The following SFI1 variants were observed in gnomAD, a reference collection of about 807,000 sequenced individuals.
SFI1 encodes the protein SFI1 centrin binding protein, also known as protein SFI1 homolog.
In SFI1, 195 loss-of-function variants were observed where a neutral mutation model predicts 207.5. The ratio of observed to expected loss-of-function variants is 0.94; its 90% confidence interval spans 0.84 to 1.06. The LOEUF (loss-of-function observed/expected upper bound fraction) is 1.06, where lower values mean the gene tolerates loss of function less well. Among genes scored for constraint, SFI1 ranks in the 50% least tolerant of loss-of-function variants. The probability of loss-of-function intolerance (pLI) is 0.00; values close to 1 mark genes in which losing one functional copy is unlikely to be tolerated. For synonymous variants in SFI1, 630 were observed against 598.9 expected (o/e 1.05, Z -0.76); for missense variants, 1,634 against 1,588.0 (o/e 1.03, Z -0.49).
chr22:31,548,520 G>A (rs1217901921), intron 5 of SFI1, among the ~76,000 whole-genome samples: 4 of 151,942 alleles, frequency 2.6e-5, no homozygotes, highest in African/African-American at 7.2e-5. Context: ...GCATGCGCCT[G>A]TAGTACCAGC....
chr22:31,584,722 G>C (rs995757053), intron 13 of SFI1, among the ~76,000 whole-genome samples: 1 of 152,120 alleles, frequency 6.6e-6, no homozygotes, highest in African/African-American at 2.4e-5. Context: ...CCTAGTGTGA[G>C]AGGCAACATG....
chr22:31,580,500 C>T lies in SFI1; in HGVS notation c.1248+136C>T, dbSNP rs973229754. ...CTTCAAGATTTGTCCAGACTGTCAA[C>T]TGTAAAACCTTAGTTTGCATTTTCT... On this transcript the variant is annotated intron_variant, in intron 12 of 32. Coordinates refer to ENST00000400288, the MANE Select transcript of SFI1 (RefSeq NM_001007467.3). 103 of 554,658 alleles carry T rather than the reference C, an allele frequency of 1.9e-4. 1 individual carries two copies. Among genetic ancestry groups the T allele is most frequent in the Admixed American group, 1.8e-3 (50 of 28,410 alleles). The allele number at this position is 554,658 out of a possible 1,614,324, so 34.4% of individuals were successfully genotyped here. A position where few individuals can be genotyped will look rare whatever the true frequency, so the allele number is the denominator to read the frequency against.
intron 2 of SFI1, among the ~76,000 whole-genome samples, chr22:31,509,742 G>C (rs1434774732): frequency 6.6e-6 from 1 of 152,114 alleles, no homozygotes. Flanking sequence ...TGTTGGATTT[G>C]GTTTGCTACT....
chr22:31,594,740 A>G (rs2066819959), intron 15 of SFI1, among the ~76,000 whole-genome samples: 1 of 149,686 alleles, frequency 6.7e-6, no homozygotes, highest in Admixed American at 6.7e-5. Flanking sequence ...CTGTAGTCCC[A>G]GCTACTCAGG....
intron 8 of SFI1, among the ~76,000 whole-genome samples, chr22:31,568,193 GT>G (rs58540882): frequency 0.21 from 15,252 of 72,516 alleles, 1,066 homozygotes; most frequent in East Asian, 0.54. Context: ...GTGTGTGTGT[GT>G]TGTGTGTGTG....
chr22:31,608,296 A>G (rs920350931), intron 22 of SFI1, among the ~76,000 whole-genome samples: 10 of 152,094 alleles, frequency 6.6e-5, no homozygotes, highest in African/African-American at 1.9e-4. Flanking sequence ...TGCCTCTCCC[A>G]GCTTGTTTCT....
At chr22:31,545,065 A>G (rs994679478) in intron 4 of SFI1, among the ~76,000 whole-genome samples, 2 of 152,060 alleles carry the variant, frequency 1.3e-5, no homozygotes, top group African/African-American at 4.8e-5. Flanking sequence ...ATACTTGGCT[A>G]ACTAAAAAAA....
In SFI1 at chr22:31,557,011, T is replaced by G. The variant is rs149464385; in HGVS notation, c.614T>G (p.Leu205Arg). ...TACGTGGTTGTTCGTAGGACCAAAC[T>G]TCAGATGCAGACTACAGCTCTGGAG... ...LIYVVVRRTK[L>R]QMQTTALEFR... is the part of the protein sequence containing the mutation. Residue 205 changes from leucine (L) to arginine (R), a missense_variant, in exon 7 of 33, where the codon CTT (leucine) becomes CGT (arginine). Physicochemically the swap from Leu to Arg is moderately radical, Grantham distance 102 (BLOSUM62 -2). Transcript: ENST00000400288. The G allele has an allele frequency of 6.2e-7, 1 of 1,612,352 alleles. No individual in the cohort carries two copies. Among genetic ancestry groups the G allele is most frequent in the Non-Finnish European group, 8.5e-7 (1 of 1,178,956 alleles).
chr22:31,534,082 A>G (rs1257396204), intron 4 of SFI1, among the ~76,000 whole-genome samples: 1 of 152,150 alleles, frequency 6.6e-6, no homozygotes, highest in Non-Finnish European at 1.5e-5. Context: ...CTCTTTGTGT[A>G]TATTTTTAAA....
At chr22:31,514,708 G>A (rs2146866952) in intron 2 of SFI1, among the ~76,000 whole-genome samples, 1 of 151,362 alleles carries the variant, frequency 6.6e-6, no homozygotes, top group African/African-American at 2.4e-5. Context: ...TGTGTTTGGA[G>A]TATTTCACTT....
intron 2 of SFI1, chr22:31,521,124 C>G (rs1274722568): frequency 6.5e-6 from 1 of 153,416 alleles, no homozygotes; most frequent in Non-Finnish European, 1.5e-5. Flanking sequence ...TGCCTGTATT[C>G]CCCTGGAATC....
At chr22:31,553,529 A>ATTTTTT (rs71202096) in intron 6 of SFI1, among the ~76,000 whole-genome samples, 29 of 82,622 alleles carry the variant, frequency 3.5e-4, no homozygotes, top group Admixed American at 4.4e-4. Context: ...TAATTTTTGT[A>ATTTTTT]TTTTTTTTTT....
intron 7 of SFI1, 76 bp from the exon 8 acceptor site, chr22:31,561,214 C>T (rs1469146400): frequency 2.4e-6 from 3 of 1,236,898 alleles, no homozygotes; most frequent in Non-Finnish European, 3.5e-6. Flanking sequence ...GGGTCTGAGG[C>T]CCCACACTAA....
intron 2 of SFI1, among the ~76,000 whole-genome samples, chr22:31,510,334 A>G (rs1288362045): frequency 6.6e-6 from 1 of 152,116 alleles, no homozygotes; most frequent in African/African-American, 2.4e-5. Context: ...TGCTGGGATT[A>G]CAGGTGTGAG....
intron 8 of SFI1, among the ~76,000 whole-genome samples, chr22:31,563,056 C>T (rs759617271): frequency 2.6e-5 from 4 of 151,666 alleles, no homozygotes; most frequent in South Asian, 2.1e-4. Flanking sequence ...TGCAGTGGCG[C>T]GATCTTGCCT....
chr22:31,604,739 G>A, intron 19 of SFI1, 130 bp from the exon 20 acceptor site: 2 of 765,130 alleles, frequency 2.6e-6, no homozygotes, highest in Non-Finnish European at 4.2e-6. Flanking sequence ...ACCAGGGGCT[G>A]TTGGCCTCTT....
At chr22:31,514,796 G>A (rs901661090) in intron 2 of SFI1, among the ~76,000 whole-genome samples, 7 of 147,714 alleles carry the variant, frequency 4.7e-5, no homozygotes, top group Admixed American at 2.0e-4. Context: ...TTTTTGAGAC[G>A]GAGTCTCACT....
At chr22:31,516,731 G>T (rs1292247216) in intron 2 of SFI1, among the ~76,000 whole-genome samples, 2 of 151,530 alleles carry the variant, frequency 1.3e-5, no homozygotes, top group East Asian at 3.9e-4. Context: ...GAGGTGGGCG[G>T]ATCACCTGAG....
At chr22:31,564,878 A>G (rs1347414266) in intron 8 of SFI1, among the ~76,000 whole-genome samples, 1 of 134,034 alleles carries the variant, frequency 7.5e-6, no homozygotes, top group East Asian at 2.2e-4. Context: ...CAGTATCGCG[A>G]TGTTGGCTCA....
Sources: gnomAD v4.1 joint callset for allele counts (sites outside exome capture counted in the v4.1 genomes callset) on GRCh38, gnomAD v4.1.1 for gene constraint, MANE v1.5 for transcripts, NCBI Gene and HGNC (gene_info 2026-07-23, HGNC 2026-07-21) for gene names.